Variants in NELL2 observed in about 807,000 individuals in gnomAD.
The protein encoded by NELL2 is neural EGFL like 2, also known as protein kinase C-binding protein NELL2.
Under a neutral mutation model 109.6 loss-of-function variants are expected in NELL2, and 41 were observed. The ratio of observed to expected loss-of-function variants is 0.37; its 90% CI spans 0.29 to 0.49. The LOEUF is 0.49. Ranked by LOEUF, NELL2 falls within the 20% of genes least tolerant of loss-of-function variation. The probability of loss-of-function intolerance (pLI) is 0.98; values close to 1 mark genes in which losing one functional copy is unlikely to be tolerated. For synonymous variants in NELL2, 355 were observed against 344.7 expected, an observed-to-expected ratio of 1.03 and a Z score of -0.33; for missense variants, 900 against 1,008.3, an observed-to-expected ratio of 0.89 and a Z score of 1.45.
At chr12:44,574,071 ATT>A (rs535303763) in intron 15 of NELL2, among the ~76,000 whole-genome samples, 1 of 148,410 alleles carries the variant, frequency 6.7e-6, no homozygotes, top group African/African-American at 2.5e-5. Context: ...TTTTATTTTT[ATT>A]TTTTTTTTGA....
At chr12:44,716,590 C>A (rs1362217354) in intron 9 of NELL2, among the ~76,000 whole-genome samples, 1 of 151,942 alleles carries the variant, frequency 6.6e-6, no homozygotes, top group Non-Finnish European at 1.5e-5. Context: ...AACTCAGTAA[C>A]CTCAACATAC....
At chr12:44,743,412 G>C (rs1940124210) in intron 9 of NELL2, among the ~76,000 whole-genome samples, 1 of 152,090 alleles carries the variant, frequency 6.6e-6, no homozygotes, top group Non-Finnish European at 1.5e-5. Context: ...AAAATAACCA[G>C]CTAACATCAT....
chr12:44,772,370 T>C (rs1206492624), intron 9 of NELL2, among the ~76,000 whole-genome samples: 1 of 152,214 alleles, frequency 6.6e-6, no homozygotes, highest in Non-Finnish European at 1.5e-5. Context: ...TCTGTACTAT[T>C]TAAGTCAGTC....
intron 11 of NELL2, among the ~76,000 whole-genome samples, chr12:44,710,151 C>T (rs1749699288): frequency 4.6e-5 from 7 of 152,134 alleles, no homozygotes; most frequent in Admixed American, 4.6e-4. Context: ...AACTGCACCA[C>T]CCTGCTAAAA....
chr12:44,558,695 C>T (rs1021134455), intron 15 of NELL2, among the ~76,000 whole-genome samples: 1 of 152,160 alleles, frequency 6.6e-6, no homozygotes, highest in South Asian at 2.1e-4. Flanking sequence ...CAGGAGATTC[C>T]TCAGGTGCCT....
At chr12:44,874,308 T>A (rs187934821) in intron 2 of NELL2, among the ~76,000 whole-genome samples, 1 of 152,200 alleles carries the variant, frequency 6.6e-6, no homozygotes, top group East Asian at 1.9e-4. Flanking sequence ...CCATTAGATA[T>A]GTTAAACCAA....
intron 15 of NELL2, among the ~76,000 whole-genome samples, chr12:44,600,330 C>T (rs1485541125): frequency 6.6e-6 from 1 of 151,420 alleles, no homozygotes; most frequent in Non-Finnish European, 1.5e-5. Flanking sequence ...AATTCTATAC[C>T]CAAGAGTTGG....
At chr12:44,566,707 C>G (rs892788723) in intron 15 of NELL2, among the ~76,000 whole-genome samples, 1 of 152,148 alleles carries the variant, frequency 6.6e-6, no homozygotes, top group East Asian at 1.9e-4. Flanking sequence ...GACAAATTTG[C>G]TAACTTTGCT....
chr12:44,572,953 A>G (rs1943930029), intron 15 of NELL2, among the ~76,000 whole-genome samples: 1 of 152,228 alleles, frequency 6.6e-6, no homozygotes, highest in Non-Finnish European at 1.5e-5. Context: ...AAAAAGCTGA[A>G]GAAACAGAGG....
intron 14 of NELL2, among the ~76,000 whole-genome samples, chr12:44,609,911 TA>T (rs1279109064): frequency 6.6e-6 from 1 of 152,020 alleles, no homozygotes; most frequent in Admixed American, 6.6e-5. Flanking sequence ...TTTTGAAGCT[TA>T]AAATGCCTAA....
At chr12:44,677,699 G>A (rs1181553410) in intron 12 of NELL2, among the ~76,000 whole-genome samples, 2 of 152,000 alleles carry the variant, frequency 1.3e-5, no homozygotes, top group African/African-American at 2.4e-5. Context: ...AAGGAGTGAG[G>A]CAGATTAAAA....
chr12:44,772,562 G>A (rs1941591253), intron 9 of NELL2, among the ~76,000 whole-genome samples: 1 of 152,060 alleles, frequency 6.6e-6, no homozygotes, highest in Non-Finnish European at 1.5e-5. Context: ...TTCCCTAAGG[G>A]GAAATATCTA....
At position 44,523,355 on chromosome 12, in the gene NELL2, T is replaced by C. The variant is rs1321415816; in HGVS notation, c.1934A>G (p.Lys645Arg). The C allele has an allele frequency of 2.5e-6, 4 of 1,614,100 alleles. No individual in the cohort carries two copies. The highest frequency in any genetic ancestry group is 2.2e-5 in the East Asian group (1 of 44,888). ...NCTGDCIHDG[K>R]VKHNGQIWVL... ...CCAAATCTGACCATTGTGCTTAACTTTTCCATCATGGATGCAGTCCCCTGT... is the reference window on the plus strand; with the variant it reads ...CCAAATCTGACCATTGTGCTTAACTCTTCCATCATGGATGCAGTCCCCTGT... The change falls in exon 17 of 20, where the codon AAA (lysine) becomes AGA (arginine). Residue 645 changes from lysine (K) to arginine (R), a missense_variant. Physicochemically the swap from Lys to Arg is conservative, Grantham distance 26. This residue lies in a region of NELL2 where 333 missense variants were observed against 432.3 expected (regional missense o/e 0.77). Coordinates refer to ENST00000429094, the MANE Select transcript of NELL2 (RefSeq NM_001145108.2).
chr12:44,547,575 A>G (rs2136159479), intron 15 of NELL2, among the ~76,000 whole-genome samples: 1 of 152,280 alleles, frequency 6.6e-6, no homozygotes, highest in Non-Finnish European at 1.5e-5. Flanking sequence ...CATTTTATAC[A>G]TTTTCCATAT....
At chr12:44,723,110 A>ACC (rs889491972) in intron 9 of NELL2, among the ~76,000 whole-genome samples, 2 of 151,052 alleles carry the variant, frequency 1.3e-5, no homozygotes, top group Non-Finnish European at 2.9e-5. Flanking sequence ...AATGACATGA[A>ACC]CCCGGGAGGC....
At chr12:44,781,594 G>A (rs1941961668) in intron 3 of NELL2, among the ~76,000 whole-genome samples, 1 of 152,022 alleles carries the variant, frequency 6.6e-6, no homozygotes, top group Admixed American at 6.6e-5. Flanking sequence ...TTCATATCAA[G>A]CCATATCATA....
chr12:44,759,811 G>C (rs915305625), intron 9 of NELL2, among the ~76,000 whole-genome samples: 1 of 152,172 alleles, frequency 6.6e-6, no homozygotes, highest in South Asian at 2.1e-4. Context: ...CCCATTTAGA[G>C]TGTTTATTTC....
chr12:44,601,997 G>C (rs763942824), intron 15 of NELL2, among the ~76,000 whole-genome samples: 28 of 152,214 alleles, frequency 1.8e-4, no homozygotes, highest in Non-Finnish European at 2.6e-4. Flanking sequence ...ATTTAAAACA[G>C]ATTAAGGATC....
intron 18 of NELL2, 42 bp downstream of exon 18, chr12:44,521,958 C>G: frequency 6.2e-7 from 1 of 1,602,570 alleles, no homozygotes; most frequent in Non-Finnish European, 8.5e-7. Context: ...TATTTAGATT[C>G]TGGGCCTAAA....
Sources: gnomAD v4.1 joint callset for allele counts (sites outside exome capture counted in the v4.1 genomes callset) on GRCh38, gnomAD v4.1.1 for gene constraint, gnomAD v4.1.1 regional missense constraint, MANE v1.5 for transcripts, NCBI Gene and HGNC (gene_info 2026-07-23, HGNC 2026-07-21) for gene names.